PPP1R12A: variants seen among roughly 807,000 people sequenced by gnomAD.
PPP1R12A encodes the protein myosin binding subunit.
A neutral mutation model predicts 139.6 loss-of-function variants in PPP1R12A; 19 were observed. That is an observed-to-expected ratio of 0.14 (90% CI 0.09 to 0.20). The LOEUF is 0.20. Ranked by LOEUF, PPP1R12A falls within the 10% of genes least tolerant of loss-of-function variation. The pLI is 1.00. For missense variants in PPP1R12A, 925 were observed against 1,211.5 expected, an observed-to-expected ratio of 0.76 and a Z score of 3.51; for synonymous variants, 427 against 420.6, an observed-to-expected ratio of 1.02 and a Z score of -0.19.
chr12:79,916,935 A>G (rs1401458938), intron 1 of PPP1R12A, among the ~76,000 whole-genome samples: 1 of 151,992 alleles, frequency 6.6e-6, no homozygotes, highest in African/African-American at 2.4e-5. Flanking sequence ...TAAAAGATCC[A>G]AAAGTAACAT....
Position 79,786,321 on chromosome 12 carries a change from G to A in PPP1R12A, c.2907+53C>T, listed in dbSNP as rs1871127356. On this transcript the variant is annotated intron_variant, in intron 22 of 24. Coordinates refer to ENST00000450142, the MANE Select transcript of PPP1R12A (RefSeq NM_002480.3). The stretch of plus-strand genomic sequence containing the variant: ...AAAAATTTTAATACCATTTTTAGAT[G>A]GGATAAATCACAACCATTACCTTGA... 9.0e-6 allele frequency: 10 copies of A among 1,110,132 alleles called. No individual in the cohort carries two copies. In the East Asian group the frequency reaches 2.9e-4, roughly 32 times the overall value. The allele number at this position is 1,110,132 out of a possible 1,614,324, so 68.8% of individuals were successfully genotyped here.
intron 1 of PPP1R12A, among the ~76,000 whole-genome samples, chr12:79,902,745 T>G (rs974008509): frequency 7.9e-5 from 12 of 152,086 alleles, no homozygotes; most frequent in Admixed American, 7.9e-4. Context: ...ATATTACAGG[T>G]TGAGCATCAC....
intron 5 of PPP1R12A, among the ~76,000 whole-genome samples, 199 bp from the exon 6 acceptor site, chr12:79,822,389 CCCCTT>C (rs1488400044): frequency 6.6e-6 from 1 of 152,062 alleles, no homozygotes; most frequent in Non-Finnish European, 1.5e-5. Context: ...GAGAATATCT[CCCCTT>C]ATTTTTTTGG....
At chr12:79,841,443 A>C (rs1176390173) in intron 3 of PPP1R12A, among the ~76,000 whole-genome samples, 1 of 152,174 alleles carries the variant, frequency 6.6e-6, no homozygotes, top group Non-Finnish European at 1.5e-5. Flanking sequence ...TAGACTGTGA[A>C]ATCCTTAAGA....
intron 24 of PPP1R12A, chr12:79,778,211 A>T (rs1282119073): frequency 6.3e-6 from 1 of 157,914 alleles, no homozygotes; most frequent in Non-Finnish European, 1.3e-5. Flanking sequence ...TAGAAACATA[A>T]AGAATAAATA....
chr12:79,795,554 A>C lies in PPP1R12A; in HGVS notation c.2583+84T>G, dbSNP rs147877045. ...AAGGAATATGAAATCTAAGGCATAT[A>C]AGAAATTATTAGTATGTATTTTTGG... On this transcript the variant is annotated intron_variant, in intron 18 of 24. Coordinates refer to ENST00000450142, the MANE Select transcript of PPP1R12A (RefSeq NM_002480.3). 1,359 of 1,346,394 alleles carry C rather than the reference A, an allele frequency of 1.0e-3. 8 individuals are homozygous for C. The African/African-American group carries it at 0.018, about 18-fold the overall frequency. The allele number at this position is 1,346,394 out of a possible 1,614,324, so 83.4% of individuals were successfully genotyped here.
At chr12:79,883,436 T>G (rs1161232284) in intron 1 of PPP1R12A, among the ~76,000 whole-genome samples, 2 of 152,096 alleles carry the variant, frequency 1.3e-5, no homozygotes, top group Non-Finnish European at 2.9e-5. Context: ...CCTGTACTCA[T>G]GAAACTGTAT....
At chr12:79,805,949 A>T in intron 13 of PPP1R12A, 181 bp from the exon 14 acceptor site, 1 of 921,580 alleles carries the variant, frequency 1.1e-6, no homozygotes, top group South Asian at 1.9e-5. Flanking sequence ...AGAAATTTAC[A>T]TTTTAAGCAG....
intron 1 of PPP1R12A, among the ~76,000 whole-genome samples, chr12:79,882,606 G>C (rs978154201): frequency 1.3e-5 from 2 of 152,200 alleles, no homozygotes; most frequent in African/African-American, 2.4e-5. Flanking sequence ...AAAAGGTTTA[G>C]AAAATGACAT....
intron 9 of PPP1R12A, among the ~76,000 whole-genome samples, chr12:79,812,382 C>CTGTGTGCGCG (rs370114772): frequency 6.2e-5 from 7 of 112,882 alleles, no homozygotes; most frequent in Non-Finnish European, 1.1e-4. Context: ...TTGACTGACT[C>CTGTGTGCGCG]TGTGTGTGCG....
At chr12:79,876,367 C>T (rs974147204) in intron 1 of PPP1R12A, among the ~76,000 whole-genome samples, 8 of 152,172 alleles carry the variant, frequency 5.3e-5, no homozygotes, top group African/African-American at 1.4e-4. Flanking sequence ...ATGCAGAATT[C>T]GGCTGCTTCC....
At chr12:79,884,594 T>C (rs1469701654) in intron 1 of PPP1R12A, among the ~76,000 whole-genome samples, 1 of 152,114 alleles carries the variant, frequency 6.6e-6, no homozygotes, top group Non-Finnish European at 1.5e-5. Flanking sequence ...ATGTAGCACA[T>C]TAAGAAAAAC....
chr12:79,913,202 T>C (rs1349306), intron 1 of PPP1R12A, among the ~76,000 whole-genome samples: 147,198 of 152,370 alleles, frequency 0.97, 71,134 homozygotes, highest in East Asian at 1. Flanking sequence ...TGCACACGCA[T>C]ATGCACACAC....
At chr12:79,877,012 GA>G (rs11417001) in intron 1 of PPP1R12A, among the ~76,000 whole-genome samples, 1 of 150,344 alleles carries the variant, frequency 6.7e-6, no homozygotes, top group Non-Finnish European at 1.5e-5. Flanking sequence ...CTCCATCTCA[GA>G]AAAAAAAAGG....
intron 24 of PPP1R12A, among the ~76,000 whole-genome samples, chr12:79,776,963 A>G (rs1444858673): frequency 3.3e-5 from 5 of 152,136 alleles, no homozygotes; most frequent in African/African-American, 1.2e-4. Context: ...AATCTTTAAG[A>G]AGATTTAATT....
At chr12:79,842,261 A>G (rs1878812465) in intron 3 of PPP1R12A, among the ~76,000 whole-genome samples, 1 of 152,182 alleles carries the variant, frequency 6.6e-6, no homozygotes, top group South Asian at 2.1e-4. Flanking sequence ...TTGAGGCTAT[A>G]GTGAGCCATG....
chr12:79,822,301 G>T, intron 5 of PPP1R12A, 111 bp from the exon 6 acceptor site: 1 of 733,232 alleles, frequency 1.4e-6, no homozygotes, highest in Non-Finnish European at 2.2e-6. Flanking sequence ...ATTTTTTACA[G>T]TGGTTATGAT....
intron 1 of PPP1R12A, among the ~76,000 whole-genome samples, chr12:79,930,415 T>C (rs775247084): frequency 1.3e-5 from 2 of 152,076 alleles, no homozygotes; most frequent in Non-Finnish European, 2.9e-5. Context: ...GCAATATGCA[T>C]GCTAGATTAA....
At chr12:79,842,806 C>T (rs975415286) in intron 3 of PPP1R12A, among the ~76,000 whole-genome samples, 15 of 152,136 alleles carry the variant, frequency 9.9e-5, no homozygotes, top group African/African-American at 1.4e-4. Context: ...CGAGCTAAAG[C>T]GATCCTCCCC....
Sources: allele counts gnomAD v4.1 joint callset (sites outside exome capture counted in the v4.1 genomes callset), GRCh38; gene constraint gnomAD v4.1.1; transcripts MANE v1.5; gene names NCBI Gene and HGNC (gene_info 2026-07-23, HGNC 2026-07-21).